DGCR2: variants seen among roughly 807,000 people sequenced by gnomAD.
DGCR2 encodes integral membrane protein DGCR2/IDD.
In DGCR2, 24 loss-of-function variants were observed where a neutral mutation model predicts 51.6. That is an observed-to-expected ratio of 0.47 (90% CI 0.34 to 0.65). The LOEUF is 0.65. Ranked by LOEUF, DGCR2 falls within the 30% of genes least tolerant of loss-of-function variation. DGCR2 has a pLI of 0.01. For missense variants in DGCR2, 765 were observed against 772.1 expected, an observed-to-expected ratio of 0.99 and a Z score of 0.11; for synonymous variants, 340 against 315.4, an observed-to-expected ratio of 1.08 and a Z score of -0.82.
chr22:19,122,240 AAGGCCGGACC>A lies in DGCR2; in HGVS notation c.-44_-35del. 5 of 1,475,676 alleles carry A rather than the reference AAGGCCGGACC, an allele frequency of 3.4e-6. No individual in the cohort carries two copies. Among genetic ancestry groups the A allele is most frequent in the Non-Finnish European group, 4.5e-6 (5 of 1,107,016 alleles). 91.4% of individuals were successfully genotyped at this position (1,475,676 alleles called of 1,614,324 possible). On this transcript the variant is annotated 5_prime_UTR_variant, in exon 1 of 10. Transcript: ENST00000263196. ...CGTTCATCGTCCCCGGGGCGGCTGG[AAGGCCGGACC>A]AGGCCGGACTGAGGGTCAGGGGACC...
chr22:19,038,724 T>A lies in DGCR2; in HGVS notation c.*141A>T. ...GGCAGAAGGCGGGCTGTGGTCTCTA[T>A]GTACACACGCGAGCCCGCCAGTGAC... On this transcript the variant is annotated 3_prime_UTR_variant, in exon 10 of 10. Coordinates refer to ENST00000263196, the MANE Select transcript of DGCR2 (RefSeq NM_005137.3). The A allele has an allele frequency of 8.5e-7, 1 of 1,177,670 alleles. No homozygotes were observed. 73.0% of individuals were successfully genotyped at this position (1,177,670 alleles called of 1,614,324 possible).
chr22:19,101,032 G>A (rs573076941), intron 1 of DGCR2, among the ~76,000 whole-genome samples: 4 of 152,044 alleles, frequency 2.6e-5, no homozygotes, highest in African/African-American at 7.2e-5. Flanking sequence ...CTTGAACCTC[G>A]GAGGTGGATG....
intron 1 of DGCR2, among the ~76,000 whole-genome samples, chr22:19,109,461 AAAG>A (rs772550096): frequency 6.6e-6 from 1 of 152,226 alleles, no homozygotes; most frequent in Non-Finnish European, 1.5e-5. Context: ...TCAGCCTTAA[AAAG>A]AAGTTCTGAC....
chr22:19,067,193 G>A (rs1337801012), intron 3 of DGCR2, among the ~76,000 whole-genome samples: 1 of 152,114 alleles, frequency 6.6e-6, no homozygotes, highest in Non-Finnish European at 1.5e-5. Context: ...ACAGGCCCAA[G>A]GCAGGGCAGC....
At chr22:19,086,293 C>T (rs1178953496) in intron 2 of DGCR2, among the ~76,000 whole-genome samples, 3 of 151,786 alleles carry the variant, frequency 2.0e-5, no homozygotes, top group South Asian at 2.1e-4. Flanking sequence ...CTGACTAGCA[C>T]GGTGAAACCC....
intron 2 of DGCR2, among the ~76,000 whole-genome samples, chr22:19,084,715 G>C (rs1292686188): frequency 1.9e-5 from 2 of 104,108 alleles, no homozygotes; most frequent in Non-Finnish European, 4.5e-5. Flanking sequence ...GGAGGGAGGT[G>C]GGGGGTCAGC....
At chr22:19,042,618 G>T (rs1004092848) in intron 7 of DGCR2, among the ~76,000 whole-genome samples, 3 of 152,224 alleles carry the variant, frequency 2.0e-5, no homozygotes, top group African/African-American at 7.2e-5. Flanking sequence ...CAGGCTGCAA[G>T]GGAGTAGCAT....
rs141421532 is a variant in DGCR2 at position 19,039,043 on chromosome 22, C to G, written c.1475G>C (p.Arg492Pro). The change falls in exon 10 of 10, where the codon CGC becomes CCC. Residue 492 changes from arginine to proline, a missense_variant. Physicochemically the swap from Arg to Pro is moderately radical, Grantham distance 103. Coordinates refer to ENST00000263196, the MANE Select transcript of DGCR2 (RefSeq NM_005137.3). ...DGGSEGALLR[R>P]LEQPLPTAGA... Reference sequence around the variant, plus strand: ...CGCAGTGGGCAGAGGCTGCTCCAGGCGCCGGAGTAATGCACCTTCACTCCC... The same window carrying G: ...CGCAGTGGGCAGAGGCTGCTCCAGGGGCCGGAGTAATGCACCTTCACTCCC... 2.5e-6 allele frequency: 4 copies of G among 1,612,844 alleles called. No individual in the cohort carries two copies. Among genetic ancestry groups the G allele is most frequent in the East Asian group, 4.5e-5 (2 of 44,900 alleles).
At chr22:19,065,264 A>C (rs1244029273) in intron 3 of DGCR2, 197 bp from the exon 4 acceptor site, 1 of 587,708 alleles carries the variant, frequency 1.7e-6, no homozygotes, top group Non-Finnish European at 3.0e-6. Context: ...AGATTCAATG[A>C]TACAAGTACA....
At chr22:19,063,978 GGCTT>G (rs1371031462) in intron 4 of DGCR2, among the ~76,000 whole-genome samples, 35 of 152,158 alleles carry the variant, frequency 2.3e-4, no homozygotes, top group Admixed American at 2.3e-3. Context: ...ACACTTGCAC[GGCTT>G]CCCACTCAGA....
intron 7 of DGCR2, 156 bp downstream of exon 7, chr22:19,048,282 CAA>C (rs2082511877): frequency 1.3e-6 from 1 of 760,482 alleles, no homozygotes; most frequent in Non-Finnish European, 2.2e-6. Flanking sequence ...GTAGTGGCAT[CAA>C]AGTCTCTGAG....
intron 5 of DGCR2, among the ~76,000 whole-genome samples, chr22:19,062,779 A>ATTCATTCATTCTCTCTCTCTCTCTCTCT: frequency 2.4e-5 from 3 of 127,354 alleles, no homozygotes; most frequent in Non-Finnish European, 5.4e-5. Context: ...ATGCATGCTC[A>ATTCATTCATTCTCTCTCTCTCTCTCTCT]CTCTCTCTCT....
chr22:19,067,952 GTCA>G lies in DGCR2; in HGVS notation c.328+145_328+147del, dbSNP rs1436608572. On this transcript the variant is annotated intron_variant, in intron 3 of 9. Coordinates refer to ENST00000263196, the MANE Select transcript of DGCR2 (RefSeq NM_005137.3). The stretch of plus-strand genomic sequence containing the variant: ...TCCAGCGCTGGGTGACTGCGGGTGG[GTCA>G]TCATGCAGCCTCATTCATTCCCCTC... 61 of 1,149,962 alleles carry G rather than the reference GTCA, an allele frequency of 5.3e-5. 1 individual carries two copies. Among genetic ancestry groups the G allele is most frequent in the Non-Finnish European group, 1.4e-5 (12 of 872,704 alleles). 71.2% of individuals were successfully genotyped at this position (1,149,962 alleles called of 1,614,324 possible).
At chr22:19,113,725 G>A (rs182805255) in intron 1 of DGCR2, among the ~76,000 whole-genome samples, 96 of 152,266 alleles carry the variant, frequency 6.3e-4, no homozygotes, top group African/African-American at 2.2e-3. Flanking sequence ...CTACTGTTAT[G>A]TAGGTTTGAA....
chr22:19,074,678 A>C (rs552178861), intron 2 of DGCR2, among the ~76,000 whole-genome samples: 1 of 152,304 alleles, frequency 6.6e-6, no homozygotes, highest in East Asian at 1.9e-4. Context: ...TTTGCTATTA[A>C]AAAAAAGACT....
At chr22:19,102,935 G>A (rs1435457260) in intron 1 of DGCR2, among the ~76,000 whole-genome samples, 2 of 152,112 alleles carry the variant, frequency 1.3e-5, no homozygotes, top group East Asian at 3.8e-4. Context: ...GAGCCCAGGA[G>A]GTCAGGGCTG....
chr22:19,083,590 T>C (rs1467592109), intron 2 of DGCR2, among the ~76,000 whole-genome samples: 1 of 152,194 alleles, frequency 6.6e-6, no homozygotes, highest in African/African-American at 2.4e-5. Flanking sequence ...TCTTCTTTAA[T>C]GTCTCTTAAT....
chr22:19,075,540 T>C (rs901968909), intron 2 of DGCR2, among the ~76,000 whole-genome samples: 2 of 152,118 alleles, frequency 1.3e-5, no homozygotes, highest in African/African-American at 4.8e-5. Flanking sequence ...CTCCAGAACT[T>C]TTCATCTTAC....
At chr22:19,040,497 G>C (rs1016687393) in intron 9 of DGCR2, among the ~76,000 whole-genome samples, 1 of 152,202 alleles carries the variant, frequency 6.6e-6, no homozygotes. Flanking sequence ...CAGGCCAGGG[G>C]TCAGGGGCCT....
Sources: gnomAD v4.1 joint callset for allele counts (sites outside exome capture counted in the v4.1 genomes callset) on GRCh38, gnomAD v4.1.1 for gene constraint, MANE v1.5 for transcripts, NCBI Gene and HGNC (gene_info 2026-07-23, HGNC 2026-07-21) for gene names.